Variants in TNFAIP8 observed in about 807,000 individuals in gnomAD.
TNFAIP8 encodes TNF alpha induced protein 8, also known as tumor necrosis factor alpha-induced protein 8.
In TNFAIP8, 7 loss-of-function variants were observed where a neutral mutation model predicts 13.3. The observed-to-expected ratio is 0.52, with a 90% confidence interval of 0.30 to 0.99. The LOEUF is 0.99. Among genes scored for constraint, TNFAIP8 ranks in the 50% least tolerant of loss-of-function variants. The pLI, the probability that TNFAIP8 is intolerant of heterozygous loss-of-function variation, is 0.07. For missense variants in TNFAIP8, 258 were observed against 236.9 expected (o/e 1.09, Z -0.58); for synonymous variants, 94 against 87.6 (o/e 1.07, Z -0.41).
At chr5:119,351,788 C>CTTTTTTTTTTTTTTTTT (rs1177061965), upstream of TNFAIP8, among the ~76,000 whole-genome samples, 24 of 138,236 alleles carry the variant, frequency 1.7e-4, 1 homozygote, top group African/African-American at 5.0e-4. Flanking sequence ...TTTTCTTTTT[C>CTTTTTTTTTTTTTTTTT]TTTTTTTCTT....
intron 1 of TNFAIP8, among the ~76,000 whole-genome samples, chr5:119,358,099 CTT>C (rs5870854): frequency 0.013 from 1,843 of 141,628 alleles, 19 homozygotes; most frequent in Admixed American, 0.026. Flanking sequence ...TTATACGTAG[CTT>C]TTTTTTTTTT....
At position 119,289,356 on chromosome 5, in the gene TNFAIP8, A is replaced by G. The variant is rs78514765; in HGVS notation, c.1+20449A>G. On this transcript the variant is annotated intron_variant, in intron 1 of 1. Coordinates refer to the TNFAIP8 transcript ENST00000274456. ...TTAAAGAGAGGCATTCGGTCTTACT[A>G]GTCACCCAGAGCAGTTTCACTGGAT... Among the ~76,000 whole-genome samples, 1,259 of 152,258 alleles carry G rather than the reference A, an allele frequency of 8.3e-3. 18 individuals carry two copies. The highest frequency in any genetic ancestry group is 0.05 in the South Asian group (242 of 4,826).
chr5:119,331,287 CA>C (rs1308848329), intron 1 of TNFAIP8, among the ~76,000 whole-genome samples: 5 of 150,620 alleles, frequency 3.3e-5, no homozygotes, highest in Non-Finnish European at 7.4e-5. Flanking sequence ...GACTGCTTCA[CA>C]AATACTTACT....
At chr5:119,374,541 G>A (rs1221382224) in intron 1 of TNFAIP8, among the ~76,000 whole-genome samples, 1 of 152,234 alleles carries the variant, frequency 6.6e-6, no homozygotes, top group African/African-American at 2.4e-5. Flanking sequence ...AGCCCAGGGG[G>A]TCCTGTTGAA....
At chr5:119,385,064 G>A (rs945766026) in intron 1 of TNFAIP8, among the ~76,000 whole-genome samples, 5 of 152,208 alleles carry the variant, frequency 3.3e-5, no homozygotes, top group South Asian at 2.1e-4. Context: ...CATTTTTCTT[G>A]TCCACGAATT....
chr5:119,300,325 A>G (rs6897168), intron 1 of TNFAIP8, among the ~76,000 whole-genome samples: 341 of 152,336 alleles, frequency 2.2e-3, no homozygotes, highest in African/African-American at 7.8e-3. Context: ...AAGAAGGTTA[A>G]ATTTGGTTCA....
chr5:119,269,249 G>C (rs1410458301), intron 1 of TNFAIP8, among the ~76,000 whole-genome samples: 1 of 152,116 alleles, frequency 6.6e-6, no homozygotes, highest in Non-Finnish European at 1.5e-5. Context: ...CTGGGTTCCC[G>C]CTATTTGTCA....
At position 119,373,098 on chromosome 5, in the gene TNFAIP8, C is replaced by A. The variant is rs55810648; in HGVS notation, c.31+16977C>A. Among the ~76,000 whole-genome samples, 1,001 of 152,248 alleles carry A rather than the reference C, an allele frequency of 6.6e-3. 6 individuals carry two copies. Among genetic ancestry groups the A allele is most frequent in the Admixed American group, 0.011 (165 of 15,306 alleles). On this transcript the variant is annotated intron_variant, in intron 1 of 1. Transcript: ENST00000504771. Reference sequence around the variant, plus strand: ...CTTGGGTATGTATTACACCTGAAGTCATTACAGAAGACACTCAGTCCCTTC... The same window carrying A: ...CTTGGGTATGTATTACACCTGAAGTAATTACAGAAGACACTCAGTCCCTTC...
intron 1 of TNFAIP8, among the ~76,000 whole-genome samples, chr5:119,386,764 A>T (rs1191735170): frequency 1.3e-5 from 2 of 152,188 alleles, no homozygotes; most frequent in East Asian, 3.8e-4. Context: ...AGATGTATTG[A>T]TTCTCCCAAG....
intron 1 of TNFAIP8, among the ~76,000 whole-genome samples, chr5:119,334,630 T>A (rs1296350210): frequency 1.4e-5 from 2 of 142,066 alleles, no homozygotes; most frequent in African/African-American, 5.8e-5. Flanking sequence ...CTTTCGTGTG[T>A]GTGTGTGTGT....
At position 119,392,789 on chromosome 5, in the gene TNFAIP8, T is replaced by C. The variant is rs923200976; in HGVS notation, c.32-27T>C. 7 of 1,499,428 alleles carry C rather than the reference T, an allele frequency of 4.7e-6. No individual in the cohort carries two copies. The African/African-American group carries it at 1.0e-4, about 22-fold the overall frequency. The allele number at this position is 1,499,428 out of a possible 1,614,324, so 92.9% of individuals were successfully genotyped here. On this transcript the variant is annotated intron_variant, in intron 1 of 1. Coordinates refer to ENST00000504771, the MANE Select transcript of TNFAIP8 (RefSeq NM_014350.4). The stretch of plus-strand genomic sequence containing the variant: ...TTGCTGATATTTACTAATTGTTAAT[T>C]CTTTTCCTCTCTTTTTTTTTTTTTA...
chr5:119,348,880 CAAAAAAA>C (rs60633145), intron 1 of TNFAIP8, among the ~76,000 whole-genome samples: 3 of 90,950 alleles, frequency 3.3e-5, no homozygotes, highest in Non-Finnish European at 5.1e-5. Context: ...AACTCCATCT[CAAAAAAA>C]AAAAAAAAAA....
At chr5:119,378,481 C>T (rs2112832563) in intron 1 of TNFAIP8, among the ~76,000 whole-genome samples, 1 of 152,224 alleles carries the variant, frequency 6.6e-6, no homozygotes, top group Admixed American at 6.5e-5. Context: ...CATTTGGATA[C>T]AGTTATTGAG....
In TNFAIP8 at chr5:119,393,418, T is replaced by C. The variant is rs1752977842; in HGVS notation, c.*37T>C. 6.4e-7 allele frequency: 1 copy of C among 1,555,944 alleles called. No homozygotes were observed. The highest frequency in any genetic ancestry group is 1.8e-5 in the Admixed American group (1 of 56,596). ...AAGATTGTGACTGATCATGATTTAT[T>C]TGAAGATGGAGCACTGCTGATTTAT... On this transcript the variant is annotated 3_prime_UTR_variant, in exon 2 of 2. Coordinates refer to ENST00000504771, the MANE Select transcript of TNFAIP8 (RefSeq NM_014350.4).
At chr5:119,273,363 G>A (rs1748346175) in intron 1 of TNFAIP8, among the ~76,000 whole-genome samples, 1 of 152,232 alleles carries the variant, frequency 6.6e-6, no homozygotes, top group Non-Finnish European at 1.5e-5. Context: ...GTAGTAACTT[G>A]TGTCATATGT....
chr5:119,344,297 CA>C (rs1750828036), intron 1 of TNFAIP8, among the ~76,000 whole-genome samples: 2 of 152,090 alleles, frequency 1.3e-5, no homozygotes, highest in African/African-American at 4.8e-5. Flanking sequence ...GAGGAGGTAC[CA>C]GGCTCTTTTA....
chr5:119,398,890 A>G lies in TNFAIP8; in HGVS notation c.*5509A>G, dbSNP rs1018569370. ...TTTTATTAGGCCAGCAAGAATGACCACTTAGCCATTTAAATGATTTGTCAG... is the reference window on the plus strand; with the variant it reads ...TTTTATTAGGCCAGCAAGAATGACCGCTTAGCCATTTAAATGATTTGTCAG... On this transcript the variant is annotated 3_prime_UTR_variant, in exon 2 of 2. Coordinates refer to ENST00000504771, the MANE Select transcript of TNFAIP8 (RefSeq NM_014350.4). 6.6e-6 allele frequency: 1 copy of G among 152,226 alleles called. No homozygotes were observed. Among genetic ancestry groups the G allele is most frequent in the Non-Finnish European group, 1.5e-5 (1 of 68,032 alleles). The allele number at this position is 152,226 out of a possible 1,614,324, so 9.4% of individuals were successfully genotyped here. A position where few individuals can be genotyped will look rare whatever the true frequency, so the allele number is the denominator to read the frequency against.
Position 119,395,818 on chromosome 5 carries a change from C to T in TNFAIP8, c.*2437C>T, listed in dbSNP as rs1205026410. The T allele has an allele frequency of 6.6e-6, 1 of 152,146 alleles. No individual in the cohort carries two copies. Among genetic ancestry groups the T allele is most frequent in the East Asian group, 1.9e-4 (1 of 5,196 alleles). 9.4% of individuals were successfully genotyped at this position (152,146 alleles called of 1,614,324 possible). On this transcript the variant is annotated 3_prime_UTR_variant, in exon 2 of 2. Coordinates refer to ENST00000504771, the MANE Select transcript of TNFAIP8 (RefSeq NM_014350.4). ...CCCCACGTGCTTAGGGTAGATAAATCTGAGCCGAGTTAATACTAATTTGGG... is the reference window on the plus strand; with the variant it reads ...CCCCACGTGCTTAGGGTAGATAAATTTGAGCCGAGTTAATACTAATTTGGG...
intron 1 of TNFAIP8, among the ~76,000 whole-genome samples, chr5:119,365,446 C>T (rs1751812095): frequency 1.3e-5 from 2 of 152,246 alleles, no homozygotes; most frequent in Non-Finnish European, 2.9e-5. Flanking sequence ...TTGTGAGAAC[C>T]AATGAGATAA....
Sources: allele counts gnomAD v4.1 joint callset (sites outside exome capture counted in the v4.1 genomes callset), GRCh38; gene constraint gnomAD v4.1.1; transcripts MANE v1.5; gene names NCBI Gene and HGNC (gene_info 2026-07-23, HGNC 2026-07-21).